The following PHACTR2 variants were observed in gnomAD, a reference collection of about 807,000 sequenced individuals.
The protein encoded by PHACTR2 is phosphatase and actin regulator 2, also known as chromosome 6 open reading frame 56.
Under a neutral mutation model 76.0 loss-of-function variants are expected in PHACTR2, and 30 were observed. The observed-to-expected ratio is 0.39, with a 90% CI of 0.30 to 0.54. The LOEUF is 0.54. PHACTR2 is among the 20% of genes least tolerant of loss of function. PHACTR2 has a pLI of 0.61. For synonymous variants in PHACTR2, 292 were observed against 292.5 expected (o/e 1.00, Z 0.02); for missense variants, 696 against 781.1 (o/e 0.89, Z 1.30).
At chr6:143,729,844 G>T (rs543530071) in intron 2 of PHACTR2, among the ~76,000 whole-genome samples, 2 of 151,974 alleles carry the variant, frequency 1.3e-5, no homozygotes, top group African/African-American at 4.8e-5. Context: ...AAGAGCAAAG[G>T]CTCTTAATTT....
In PHACTR2 at chr6:143,776,721, T is replaced by A. The variant is rs1775287442; in HGVS notation, c.1590-607T>A. Among the ~76,000 whole-genome samples, 1 of 152,210 alleles carries A rather than the reference T, an allele frequency of 6.6e-6. No individual in the cohort carries two copies. The highest frequency in any genetic ancestry group is 1.5e-5 in the Non-Finnish European group (1 of 68,040). The stretch of plus-strand genomic sequence containing the variant: ...ATATATAGCTCATTAGGGTCTAAAA[T>A]AGGATGCTGTGCCTGGCCAGGTAAT... On this transcript the variant is annotated intron_variant, in intron 8 of 12. Transcript: ENST00000440869. The surrounding 1 kb of genome is among the most constrained non-coding windows in gnomAD (Gnocchi z 5.3).
rs569978002 is a variant in PHACTR2 at position 143,792,647 on chromosome 6, A to G, written c.1845+3737A>G. 2.0e-5 allele frequency among the ~76,000 whole-genome samples: 3 copies of G among 152,292 alleles called. No homozygotes were observed. In the East Asian group the frequency reaches 5.8e-4, roughly 29 times the overall value. Reference sequence around the variant, plus strand: ...GTCACTCAATGTTATTCAGCTGACAAATAGGCTACTTTGGAGGCTCCAAGA... The same window carrying G: ...GTCACTCAATGTTATTCAGCTGACAGATAGGCTACTTTGGAGGCTCCAAGA... On this transcript the variant is annotated intron_variant, in intron 11 of 12. Coordinates refer to ENST00000440869, the MANE Select transcript of PHACTR2 (RefSeq NM_001100164.2).
intron 1 of PHACTR2, among the ~76,000 whole-genome samples, chr6:143,655,055 G>A (rs1405167570): frequency 2.6e-5 from 4 of 151,210 alleles, no homozygotes; most frequent in Non-Finnish European, 4.4e-5. Flanking sequence ...TACTTGGGAG[G>A]ATGAGGTAGG....
chr6:143,696,887 G>C lies in PHACTR2; in HGVS notation c.47-15129G>C, dbSNP rs1249047322. Among the ~76,000 whole-genome samples the C allele has an allele frequency of 6.6e-6, 1 of 152,188 alleles. No homozygotes were observed. The highest frequency in any genetic ancestry group is 1.5e-5 in the Non-Finnish European group (1 of 68,034). Reference sequence around the variant, plus strand: ...TATTTGCTTCACAGTGGAAAGGTGAGATAGGAGAGGTGGTGTGTTCTGTTT... The same window carrying C: ...TATTTGCTTCACAGTGGAAAGGTGACATAGGAGAGGTGGTGTGTTCTGTTT... On this transcript the variant is annotated intron_variant, in intron 1 of 12. Coordinates refer to ENST00000440869, the MANE Select transcript of PHACTR2 (RefSeq NM_001100164.2). The surrounding 1 kb of genome is among the most constrained non-coding windows in gnomAD (Gnocchi z 4.1).
chr6:143,636,942 C>T (rs192234045), intron 1 of PHACTR2, among the ~76,000 whole-genome samples: 1 of 152,348 alleles, frequency 6.6e-6, no homozygotes, highest in African/African-American at 2.4e-5. Context: ...GATCTTCCCT[C>T]TGCCATCTCC....
rs1490353785 is a variant in PHACTR2 at position 143,618,281 on chromosome 6, A to G, written c.13+9959A>G. On this transcript the variant is annotated intron_variant, in intron 1 of 11. Coordinates refer to the PHACTR2 transcript ENST00000305766. The surrounding 1 kb of genome is among the most constrained non-coding windows in gnomAD (Gnocchi z 5.2). ...AACACACACACACACACACACACAC[A>G]CACACGCACACTCCAGAATGAGTTT... Among the ~76,000 whole-genome samples, 2 of 146,822 alleles carry G rather than the reference A, an allele frequency of 1.4e-5. No individual in the cohort carries two copies. The highest frequency in any genetic ancestry group is 4.9e-5 in the African/African-American group (2 of 40,496).
intron 2 of PHACTR2, among the ~76,000 whole-genome samples, chr6:143,724,105 C>A (rs1305212213): frequency 6.6e-6 from 1 of 150,906 alleles, no homozygotes; most frequent in East Asian, 1.9e-4. Context: ...TGGGATTACA[C>A]GTGTGTGAGA....
At chr6:143,725,055 G>A (rs948034261) in intron 2 of PHACTR2, among the ~76,000 whole-genome samples, 4 of 151,964 alleles carry the variant, frequency 2.6e-5, no homozygotes, top group Non-Finnish European at 4.4e-5. Context: ...TCACCATGTG[G>A]GTGTTTCCTC....
rs1206190863 is a variant in PHACTR2, at chr6:143,827,638, T to C, written c.*3949T>C. ...AAGCCTATCATTACTAGGAAAAGTA[T>C]ATTCTTTGGGATAAGAATTAATTTC... is the stretch of plus-strand genomic sequence containing the variant. On this transcript the variant is annotated 3_prime_UTR_variant, in exon 13 of 13. Transcript: ENST00000440869. 1 of 152,208 alleles carries C rather than the reference T, an allele frequency of 6.6e-6. No homozygotes were observed. Among genetic ancestry groups the C allele is most frequent in the Non-Finnish European group, 1.5e-5 (1 of 68,024 alleles). The allele number at this position is 152,208 out of a possible 1,614,324, so 9.4% of individuals were successfully genotyped here. A position where few individuals can be genotyped will look rare whatever the true frequency, so the allele number is the denominator to read the frequency against.
At position 143,742,351 on chromosome 6, in the gene PHACTR2, G is replaced by T. The variant is rs1185340490; in HGVS notation, c.215-6634G>T. ...CCTGTTGGCTTTTGTTGTTGTTGTG[G>T]TTGTTAACTTCAGTTCTCCTCTTGC... On this transcript the variant is annotated intron_variant, in intron 2 of 12. Coordinates refer to ENST00000440869, the MANE Select transcript of PHACTR2 (RefSeq NM_001100164.2). This position sits in a 1 kb window ranked among gnomAD's most constrained non-coding sequence, Gnocchi z 4.5. Among the ~76,000 whole-genome samples, 1 of 152,136 alleles carries T rather than the reference G, an allele frequency of 6.6e-6. No individual in the cohort carries two copies. Among genetic ancestry groups the T allele is most frequent in the African/African-American group, 2.4e-5 (1 of 41,412 alleles).
rs1207108410 is a variant in PHACTR2, at chr6:143,751,659, T to G, written c.296-2095T>G. On this transcript the variant is annotated intron_variant, in intron 3 of 12. Transcript: ENST00000440869. The surrounding 1 kb of genome is among the most constrained non-coding windows in gnomAD (Gnocchi z 5.7). ...GTTTGTGCTTTATCTCTGTTTTCTT[T>G]AAGCTGACAACTACGTTTTGAGTTT... Among the ~76,000 whole-genome samples, 1 of 152,162 alleles carries G rather than the reference T, an allele frequency of 6.6e-6. No homozygotes were observed. Among genetic ancestry groups the G allele is most frequent in the East Asian group, 1.9e-4 (1 of 5,190 alleles).
rs568596171 is a variant in PHACTR2, at chr6:143,763,348, G to C, written c.695-1913G>C. ...CACTCCAGTCTGGGTGACAGAGGGA[G>C]ACTCTGTCTCAAAAAAAACAAAAAA... On this transcript the variant is annotated intron_variant, in intron 5 of 12. Coordinates refer to ENST00000440869, the MANE Select transcript of PHACTR2 (RefSeq NM_001100164.2). Among the ~76,000 whole-genome samples, 11 of 151,962 alleles carry C rather than the reference G, an allele frequency of 7.2e-5. No individual in the cohort carries two copies. In the East Asian group the frequency reaches 2.1e-3, roughly 29 times the overall value.
rs1176545434 is a variant in PHACTR2 at position 143,541,378 on chromosome 6, G to A, written c.217+4171G>A. 1.3e-5 allele frequency among the ~76,000 whole-genome samples: 2 copies of A among 152,168 alleles called. No individual in the cohort carries two copies. The highest frequency in any genetic ancestry group is 1.3e-4 in the Admixed American group (2 of 15,278). ...CGACTGTTGGCCTACTGGGTGCCAGGTGCTGTTCTGGACCTGTGTGGGCTA... is the reference window on the plus strand; with the variant it reads ...CGACTGTTGGCCTACTGGGTGCCAGATGCTGTTCTGGACCTGTGTGGGCTA... On this transcript the variant is annotated intron_variant, in intron 1 of 11. Transcript: ENST00000367584. This position sits in a 1 kb window ranked among gnomAD's most constrained non-coding sequence, Gnocchi z 5.3.
At chr6:143,759,679 CAA>C (rs796561358) in intron 4 of PHACTR2, among the ~76,000 whole-genome samples, 6 of 68,208 alleles carry the variant, frequency 8.8e-5, no homozygotes, top group Admixed American at 1.5e-4. Flanking sequence ...CACACACATA[CAA>C]AAAAAAAAAA....
At chr6:143,727,425 T>C (rs1778597786) in intron 2 of PHACTR2, among the ~76,000 whole-genome samples, 1 of 152,212 alleles carries the variant, frequency 6.6e-6, no homozygotes, top group Non-Finnish European at 1.5e-5. Flanking sequence ...AACATGGGCA[T>C]GCAGGTATCC....
rs113366443 is a variant in PHACTR2 at position 143,819,741 on chromosome 6, T to A, written c.1923-3933T>A. On this transcript the variant is annotated intron_variant, in intron 12 of 12. Transcript: ENST00000440869. This position sits in a 1 kb window ranked among gnomAD's most constrained non-coding sequence, Gnocchi z 5.0. ...TTGTCCTCTCTGGCTCTCTGGCAGATTGGCTGTGGCCACCGACACTGAGGG... is the reference window on the plus strand; with the variant it reads ...TTGTCCTCTCTGGCTCTCTGGCAGAATGGCTGTGGCCACCGACACTGAGGG... 2.1e-4 allele frequency among the ~76,000 whole-genome samples: 32 copies of A among 152,256 alleles called. No homozygotes were observed. The highest frequency in any genetic ancestry group is 3.4e-3 in the Middle Eastern group (1 of 294).
chr6:143,583,223 CA>C lies in PHACTR2; in HGVS notation c.217+46017del, dbSNP rs1372098312. Among the ~76,000 whole-genome samples the C allele has an allele frequency of 6.6e-6, 1 of 152,196 alleles. No individual in the cohort carries two copies. The highest frequency in any genetic ancestry group is 1.5e-5 in the Non-Finnish European group (1 of 68,038). On this transcript the variant is annotated intron_variant, in intron 1 of 11. Coordinates refer to the PHACTR2 transcript ENST00000367584. This position sits in a 1 kb window ranked among gnomAD's most constrained non-coding sequence, Gnocchi z 4.0. ...AAAGAGCATTCCTCCACAATCCGTC[CA>C]TTTCTGGGAACCCAGAAGATTGAGT...
Position 143,777,908 on chromosome 6 carries a change from C to T in PHACTR2, c.1645+525C>T, listed in dbSNP as rs535041839. Among the ~76,000 whole-genome samples, 1 of 152,290 alleles carries T rather than the reference C, an allele frequency of 6.6e-6. No homozygotes were observed. Among genetic ancestry groups the T allele is most frequent in the African/African-American group, 2.4e-5 (1 of 41,564 alleles). On this transcript the variant is annotated intron_variant, in intron 9 of 12. Transcript: ENST00000440869. The surrounding 1 kb of genome is among the most constrained non-coding windows in gnomAD (Gnocchi z 4.6). ...TGTTTATAATTTCTCAGCACTAAAACGTTCTCCATTCATTTTCCTACTTTA... is the reference window on the plus strand; with the variant it reads ...TGTTTATAATTTCTCAGCACTAAAATGTTCTCCATTCATTTTCCTACTTTA...
intron 3 of PHACTR2, among the ~76,000 whole-genome samples, chr6:143,749,797 T>G (rs573940404): frequency 6.6e-6 from 1 of 152,314 alleles, no homozygotes; most frequent in South Asian, 2.1e-4. Flanking sequence ...TTTCTCCAAA[T>G]AAATAATACC....
Sources: gnomAD v4.1 joint callset for allele counts (sites outside exome capture counted in the v4.1 genomes callset) on GRCh38, gnomAD v4.1.1 for gene constraint, Gnocchi (gnomAD v3.1) non-coding constraint, MANE v1.5 for transcripts, NCBI Gene and HGNC (gene_info 2026-07-23, HGNC 2026-07-21) for gene names.